Variants in KIF3A observed in about 807,000 individuals in gnomAD.
KIF3A encodes the protein kinesin-like protein KIF3A.
KIF3A carries 27 observed loss-of-function variants against 92.6 expected under a neutral mutation model. The ratio of observed to expected loss-of-function variants is 0.29; its 90% CI spans 0.21 to 0.40. The LOEUF (loss-of-function observed/expected upper bound fraction) is 0.40. Ranked by LOEUF, KIF3A falls within the 10% of genes least tolerant of loss-of-function variation. The pLI is 1.00. For missense variants in KIF3A, 581 were observed against 872.6 expected (o/e 0.67, Z 4.21); for synonymous variants, 250 against 275.4 (o/e 0.91, Z 0.92).
intron 15 of KIF3A, among the ~76,000 whole-genome samples, chr5:132,701,798 A>G (rs1461728972): frequency 6.6e-6 from 1 of 152,152 alleles, no homozygotes; most frequent in South Asian, 2.1e-4. Flanking sequence ...GGCAGCACAG[A>G]GGTTCCATTT....
At chr5:132,716,057 G>A in intron 7 of KIF3A, 126 bp from the exon 8 acceptor site, 4 of 855,972 alleles carry the variant, frequency 4.7e-6, no homozygotes, top group Non-Finnish European at 7.1e-6. Context: ...GAAAATGAGA[G>A]TGTCAACCAC....
At chr5:132,696,789 C>T in intron 18 of KIF3A, 107 bp from the exon 19 acceptor site, 1 of 802,162 alleles carries the variant, frequency 1.2e-6, no homozygotes, top group East Asian at 2.5e-5. Flanking sequence ...AGTCTGGAAA[C>T]AAGCCAAAAT....
At chr5:132,728,028 A>T (rs918135562) in intron 2 of KIF3A, among the ~76,000 whole-genome samples, 2 of 152,230 alleles carry the variant, frequency 1.3e-5, no homozygotes, top group Admixed American at 6.5e-5. Context: ...AAACTGACTA[A>T]GTATTTCAAA....
intron 8 of KIF3A, among the ~76,000 whole-genome samples, chr5:132,712,246 C>A (rs566146583): frequency 6.6e-6 from 1 of 152,206 alleles, no homozygotes; most frequent in South Asian, 2.1e-4. Context: ...TAAGATTGGG[C>A]AAGGAAGACA....
Position 132,699,197 on chromosome 5 carries a change from C to T in KIF3A, c.2106G>A (p.Gly702=), listed in dbSNP as rs781050808. The part of the protein sequence containing the change: ...MKLERPRTSK[G]KARPKTGRRK... ...TTCTCCCTGTCTTTGGCCTTGCTTT[C>T]CCCTTTGAAGTTCGTGGTCTTTCTA... is the stretch of plus-strand genomic sequence containing the variant. Residue 702 remains glycine (G), a synonymous_variant, in exon 18 of 19, where the codon GGG becomes GGA. Coordinates refer to ENST00000403231, the MANE Select transcript of KIF3A (RefSeq NM_001300791.2). 2.5e-6 allele frequency: 4 copies of T among 1,614,060 alleles called. No homozygotes were observed. Among genetic ancestry groups the T allele is most frequent in the Non-Finnish European group, 3.4e-6 (4 of 1,179,956 alleles).
rs192831714 is a variant in KIF3A, at chr5:132,726,900, C to G, written c.281-402G>C. 2.8e-3 allele frequency among the ~76,000 whole-genome samples: 432 copies of G among 152,270 alleles called. 2 individuals carry two copies. Among genetic ancestry groups the G allele is most frequent in the Non-Finnish European group, 4.7e-3 (323 of 68,008 alleles). On this transcript the variant is annotated intron_variant, in intron 2 of 18. Coordinates refer to ENST00000403231, the MANE Select transcript of KIF3A (RefSeq NM_001300791.2). ...GACCTGTCTCAAACCACATCTGCCACTTTTTAGCCACTGACCTTGGACAAG... is the reference window on the plus strand; with the variant it reads ...GACCTGTCTCAAACCACATCTGCCAGTTTTTAGCCACTGACCTTGGACAAG...
Position 132,716,238 on chromosome 5 carries a change from G to T in KIF3A, c.954+7C>A. On this transcript the variant is annotated splice_region_variant and intron_variant, in intron 7 of 18. Transcript: ENST00000403231. ...TGATGTTAACTATATCACCAATTAA[G>T]TCTTACCATCATGGTTTTTGAATTT... 1 of 1,603,652 alleles carries T rather than the reference G, an allele frequency of 6.2e-7. No homozygotes were observed. The highest frequency in any genetic ancestry group is 8.5e-7 in the Non-Finnish European group (1 of 1,170,786).
At chr5:132,720,849 G>C (rs1425269430) in intron 4 of KIF3A, 135 bp from the exon 5 acceptor site, 1 of 525,000 alleles carries the variant, frequency 1.9e-6, no homozygotes, top group Non-Finnish European at 3.4e-6. Flanking sequence ...TACACGCATG[G>C]AGATGTCTAT....
intron 9 of KIF3A, among the ~76,000 whole-genome samples, chr5:132,709,439 C>T (rs2149900385): frequency 6.6e-6 from 1 of 152,276 alleles, no homozygotes; most frequent in East Asian, 1.9e-4. Flanking sequence ...CTTTCAGTCT[C>T]TCCCTCCCCC....
chr5:132,731,910 CA>C (rs1167080839), intron 2 of KIF3A, among the ~76,000 whole-genome samples: 3 of 152,008 alleles, frequency 2.0e-5, no homozygotes, highest in African/African-American at 7.2e-5. Flanking sequence ...AGGGTTTCAC[CA>C]TGTTGGTCAG....
intron 2 of KIF3A, 45 bp from the exon 3 acceptor site, chr5:132,726,543 T>A (rs1379656490): frequency 6.6e-7 from 1 of 1,516,612 alleles, no homozygotes; most frequent in Non-Finnish European, 9.1e-7. Flanking sequence ...AGTCTAATGC[T>A]ACAGAACAAT....
At chr5:132,716,747 A>G (rs1753639089) in intron 6 of KIF3A, 98 bp downstream of exon 6, 1 of 1,292,972 alleles carries the variant, frequency 7.7e-7, no homozygotes. Context: ...CTTAAAAATC[A>G]TATGTAAATC....
intron 4 of KIF3A, among the ~76,000 whole-genome samples, chr5:132,725,634 G>A (rs1244731046): frequency 6.6e-6 from 1 of 152,074 alleles, no homozygotes; most frequent in African/African-American, 2.4e-5. Context: ...CAGTAAAATC[G>A]AACTGCTGGG....
chr5:132,710,784 TA>T (rs1753393951), intron 9 of KIF3A, among the ~76,000 whole-genome samples, 174 bp downstream of exon 9: 2 of 152,202 alleles, frequency 1.3e-5, no homozygotes, highest in African/African-American at 4.8e-5. Flanking sequence ...AAGTCAGCTA[TA>T]AACGGATCAA....
intron 4 of KIF3A, chr5:132,723,425 C>G (rs932345681): frequency 2.0e-5 from 3 of 152,216 alleles, no homozygotes; most frequent in African/African-American, 7.2e-5. Context: ...GTAACCAAAA[C>G]AGCATGGTAC....
In KIF3A at chr5:132,716,237, A is replaced by C. The variant is rs201245089; in HGVS notation, c.954+8T>G. On this transcript the variant is annotated splice_region_variant and intron_variant, in intron 7 of 18. Transcript: ENST00000403231. Reference sequence around the variant, plus strand: ...CTGATGTTAACTATATCACCAATTAAGTCTTACCATCATGGTTTTTGAATT... The same window carrying C: ...CTGATGTTAACTATATCACCAATTACGTCTTACCATCATGGTTTTTGAATT... 1 of 1,603,600 alleles carries C rather than the reference A, an allele frequency of 6.2e-7. No homozygotes were observed. Among genetic ancestry groups the C allele is most frequent in the Non-Finnish European group, 8.5e-7 (1 of 1,170,930 alleles).
intron 9 of KIF3A, among the ~76,000 whole-genome samples, chr5:132,709,880 A>G (rs1346308321): frequency 6.6e-6 from 1 of 152,216 alleles, no homozygotes; most frequent in Non-Finnish European, 1.5e-5. Context: ...GCCATAAATC[A>G]TTATTTTTCT....
At chr5:132,699,528 T>A in intron 17 of KIF3A, 1 of 577,776 alleles carries the variant, frequency 1.7e-6, no homozygotes, top group Non-Finnish European at 3.2e-6. Context: ...AAACTGTTGC[T>A]GTTTTTCTTA....
downstream of KIF3A, among the ~76,000 whole-genome samples, chr5:132,690,655 C>T (rs891842025): frequency 3.0e-5 from 1 of 32,914 alleles, no homozygotes; most frequent in Non-Finnish European, 2.1e-4. Flanking sequence ...AGGCCGGGCG[C>T]GGTGGCTCAT....
Sources: gnomAD v4.1 joint callset for allele counts (sites outside exome capture counted in the v4.1 genomes callset) on GRCh38, gnomAD v4.1.1 for gene constraint, MANE v1.5 for transcripts, NCBI Gene and HGNC (gene_info 2026-07-23, HGNC 2026-07-21) for gene names.